Variants in EPHX2 observed in about 807,000 individuals in gnomAD.
EPHX2 encodes bifunctional epoxide hydrolase 2.
EPHX2 carries 74 observed loss-of-function variants against 78.7 expected under a neutral mutation model. That is an observed-to-expected ratio of 0.94 (90% CI 0.78 to 1.14). The LOEUF (loss-of-function observed/expected upper bound fraction) is 1.14, where lower values mean the gene tolerates loss of function less well. EPHX2 is among the 50% of genes most tolerant of loss of function. The pLI, the probability that EPHX2 is intolerant of heterozygous loss-of-function variation, is 0.00. For synonymous variants in EPHX2, 251 were observed against 255.2 expected (o/e 0.98, Z 0.16); for missense variants, 715 against 702.5 (o/e 1.02, Z -0.20).
At chr8:27,525,105 T>TGCGCGCGCGC (rs1345689668) in intron 11 of EPHX2, among the ~76,000 whole-genome samples, 9 of 127,558 alleles carry the variant, frequency 7.1e-5, no homozygotes, top group African/African-American at 1.6e-4. Context: ...TGTGTGTGTG[T>TGCGCGCGCGC]GTGCGCGCGC....
intron 6 of EPHX2, among the ~76,000 whole-genome samples, chr8:27,513,369 G>A (rs938219498): frequency 3.3e-5 from 5 of 152,098 alleles, no homozygotes; most frequent in African/African-American, 7.2e-5. Context: ...GGGGCTTTTC[G>A]CCCAGGGCTG....
intron 1 of EPHX2, among the ~76,000 whole-genome samples, chr8:27,500,676 C>A (rs895463917): frequency 6.6e-5 from 10 of 152,282 alleles, no homozygotes; most frequent in Admixed American, 2.0e-4. Context: ...CTGGGTGAAG[C>A]TGCTATTAGG....
intron 12 of EPHX2, among the ~76,000 whole-genome samples, chr8:27,527,148 G>T (rs939237178): frequency 2.2e-4 from 34 of 152,090 alleles, no homozygotes; most frequent in Middle Eastern, 6.8e-3. Flanking sequence ...TAGTAGAGAC[G>T]GGGTTTCACC....
intron 12 of EPHX2, among the ~76,000 whole-genome samples, chr8:27,528,732 C>T (rs1320949736): frequency 6.6e-6 from 1 of 152,158 alleles, no homozygotes; most frequent in South Asian, 2.1e-4. Context: ...CTGTTCCAGA[C>T]CCATGCAGCC....
Position 27,501,068 on chromosome 8 carries a change from A to G in EPHX2, c.186+58A>G, listed in dbSNP as rs373720159. 3.4e-5 allele frequency: 51 copies of G among 1,488,004 alleles called. No homozygotes were observed. In the African/African-American group the frequency reaches 5.5e-4, roughly 16 times the overall value. The allele number at this position is 1,488,004 out of a possible 1,614,324, so 92.2% of individuals were successfully genotyped here. On this transcript the variant is annotated intron_variant, in intron 2 of 18. Transcript: ENST00000521400. ...ATGAACGTTCTCTGCCTGTGTGCCC[A>G]TCTCCCCGAACTTGGGGCCCACCAT...
chr8:27,525,107 T>TGTGTGCGC (rs1491544464), intron 11 of EPHX2, among the ~76,000 whole-genome samples: 50 of 103,488 alleles, frequency 4.8e-4, no homozygotes, highest in African/African-American at 1.7e-3. Flanking sequence ...TGTGTGTGTG[T>TGTGTGCGC]GCGCGCGCGC....
intron 12 of EPHX2, among the ~76,000 whole-genome samples, chr8:27,534,948 G>A (rs1264651368): frequency 6.6e-6 from 1 of 152,168 alleles, no homozygotes; most frequent in African/African-American, 2.4e-5. Context: ...ACTAATAGAA[G>A]TCCATGCTCT....
intron 12 of EPHX2, among the ~76,000 whole-genome samples, chr8:27,534,408 T>C (rs2015641): frequency 0.027 from 4,185 of 152,236 alleles, 199 homozygotes; most frequent in African/African-American, 0.095. Context: ...CCCAGCACTT[T>C]GGGAGGCCGA....
At chr8:27,538,908 G>C in intron 14 of EPHX2, 1 of 580,144 alleles carries the variant, frequency 1.7e-6, no homozygotes, top group South Asian at 2.1e-5. Flanking sequence ...GTGGCTTCAA[G>C]ATCTTAAGCA....
chr8:27,545,856 GT>G (rs1563367443), downstream of EPHX2, among the ~76,000 whole-genome samples: 1 of 152,148 alleles, frequency 6.6e-6, no homozygotes, highest in Non-Finnish European at 1.5e-5. Flanking sequence ...GCCAGGAGAG[GT>G]TTGAAATGGA....
intron 10 of EPHX2, among the ~76,000 whole-genome samples, chr8:27,521,195 T>G (rs1390190723): frequency 6.6e-6 from 1 of 152,138 alleles, no homozygotes; most frequent in East Asian, 1.9e-4. Flanking sequence ...ATTAGAGAAG[T>G]TTGGAAAATA....
rs905166781 is a variant in EPHX2, at chr8:27,544,849, A to G, written c.*327A>G. On this transcript the variant is annotated 3_prime_UTR_variant, in exon 19 of 19. Coordinates refer to ENST00000521400, the MANE Select transcript of EPHX2 (RefSeq NM_001979.6). ...GACCAATGCATAGTTTGGCAGAAAA[A>G]TCAGCCGTTCATTTAGAAGAATCTT... The G allele has an allele frequency of 3.1e-6, 1 of 320,928 alleles. No homozygotes were observed. The highest frequency in any genetic ancestry group is 2.1e-5 in the African/African-American group (1 of 47,040). 19.9% of individuals were successfully genotyped at this position (320,928 alleles called of 1,614,324 possible). A position where few individuals can be genotyped will look rare whatever the true frequency, so the allele number is the denominator to read the frequency against.
chr8:27,524,652 GT>G (rs1442111011), intron 11 of EPHX2, among the ~76,000 whole-genome samples: 2 of 152,074 alleles, frequency 1.3e-5, no homozygotes, highest in African/African-American at 2.4e-5. Context: ...GCTACCTTAT[GT>G]TGTTCCCCTC....
intron 16 of EPHX2, among the ~76,000 whole-genome samples, chr8:27,541,774 G>A (rs1025478265): frequency 2.6e-5 from 4 of 152,140 alleles, no homozygotes; most frequent in African/African-American, 9.7e-5. Flanking sequence ...TGGAGCTGGG[G>A]TGTGTCCAGG....
intron 10 of EPHX2, among the ~76,000 whole-genome samples, chr8:27,521,941 G>T (rs1186302758): frequency 2.6e-5 from 4 of 152,176 alleles, no homozygotes; most frequent in Non-Finnish European, 5.9e-5. Flanking sequence ...CCATAAAGGG[G>T]AGTTGACGTT....
intron 6 of EPHX2, among the ~76,000 whole-genome samples, chr8:27,514,743 G>A (rs984232899): frequency 3.9e-5 from 6 of 152,164 alleles, no homozygotes; most frequent in East Asian, 1.9e-4. Flanking sequence ...TGTGACCCCC[G>A]GATGTAGCAC....
At chr8:27,538,236 A>AT (rs1331275148) in intron 13 of EPHX2, among the ~76,000 whole-genome samples, 4 of 152,014 alleles carry the variant, frequency 2.6e-5, no homozygotes, top group Non-Finnish European at 5.9e-5. Flanking sequence ...TTTCTAATCA[A>AT]TTTTTTCACT....
At chr8:27,504,764 T>C (rs1276592018) in intron 3 of EPHX2, among the ~76,000 whole-genome samples, 192 bp from the exon 4 acceptor site, 1 of 152,194 alleles carries the variant, frequency 6.6e-6, no homozygotes, top group Non-Finnish European at 1.5e-5. Context: ...CAGCTCATGC[T>C]TGTGTCTGTG....
At chr8:27,527,134 T>G (rs1400659797) in intron 12 of EPHX2, among the ~76,000 whole-genome samples, 1 of 152,106 alleles carries the variant, frequency 6.6e-6, no homozygotes, top group East Asian at 1.9e-4. Flanking sequence ...TTTGTTTGTA[T>G]TTTTAGTAGA....
Sources: gnomAD v4.1 joint callset for allele counts (sites outside exome capture counted in the v4.1 genomes callset) on GRCh38, gnomAD v4.1.1 for gene constraint, MANE v1.5 for transcripts, NCBI Gene and HGNC (gene_info 2026-07-23, HGNC 2026-07-21) for gene names.